The following MORN4 variants were observed in gnomAD, a reference collection of about 807,000 sequenced individuals.
The protein encoded by MORN4 is MORN repeat containing 4, also known as MORN repeat-containing protein 4.
Under a neutral mutation model 16.4 loss-of-function variants are expected in MORN4, and 8 were observed. That is an observed-to-expected ratio of 0.49 (90% confidence interval 0.29 to 0.88). MORN4 has a LOEUF of 0.88. Among genes scored for constraint, MORN4 ranks in the 40% least tolerant of loss-of-function variants. MORN4 has a pLI of 0.09. For synonymous variants in MORN4, 53 were observed against 68.9 expected (o/e 0.77, Z 1.14); for missense variants, 159 against 182.9 (o/e 0.87, Z 0.75).
chr10:97,616,554 A>G (rs1228801955), intron 4 of MORN4, 124 bp downstream of exon 4: 1 of 1,238,108 alleles, frequency 8.1e-7, no homozygotes, highest in South Asian at 1.4e-5. Flanking sequence ...GATGAGTTCA[A>G]TGGATAGGTG....
In MORN4 at chr10:97,618,258, CTTTTTTTT is replaced by C. The variant is rs1192502394; in HGVS notation, c.68-944_68-937del. ...CCTTTACTATGTGCCAGCCTCTCTT[CTTTTTTTT>C]TTTTTTTTTTTTTTTTGAGACAGAG... On this transcript the variant is annotated intron_variant, in intron 2 of 4. Transcript: ENST00000307450. Among the ~76,000 whole-genome samples the C allele has an allele frequency of 8.6e-3, 794 of 92,846 alleles. 6 individuals are homozygous for C. Among genetic ancestry groups the C allele is most frequent in the African/African-American group, 0.026 (600 of 22,696 alleles). 60.9% of individuals were successfully genotyped at this position (92,846 alleles called of 152,430 possible). A position where few individuals can be genotyped will look rare whatever the true frequency, so the allele number is the denominator to read the frequency against.
chr10:97,618,188 A>G (rs2041254751), intron 2 of MORN4, among the ~76,000 whole-genome samples: 1 of 151,854 alleles, frequency 6.6e-6, no homozygotes. Context: ...CAAAATAAAT[A>G]AATAAATAAA....
chr10:97,620,515 AAAAG>A (rs1238649983), intron 1 of MORN4, among the ~76,000 whole-genome samples: 18 of 148,334 alleles, frequency 1.2e-4, no homozygotes, highest in African/African-American at 4.7e-4. Flanking sequence ...AAAGAAAAAA[AAAAG>A]AAAATATGGG....
chr10:97,618,124 G>T (rs906528480), intron 2 of MORN4, among the ~76,000 whole-genome samples: 3 of 152,134 alleles, frequency 2.0e-5, no homozygotes, highest in African/African-American at 7.2e-5. Context: ...GTTGCAGTGG[G>T]CCGAGATCAT....
upstream of MORN4, chr10:97,633,513 C>G: frequency 7.8e-7 from 1 of 1,289,878 alleles, no homozygotes; most frequent in South Asian, 1.2e-5. This position sits in a 1 kb window ranked among gnomAD's most constrained non-coding sequence, Gnocchi z 4.5. Context: ...GTACAATTCC[C>G]GCTGCCCATT....
chr10:97,616,245 C>T lies in MORN4; in HGVS notation c.*18G>A. 1 of 1,555,204 alleles carries T rather than the reference C, an allele frequency of 6.4e-7. No individual in the cohort carries two copies. The highest frequency in any genetic ancestry group is 8.7e-7 in the Non-Finnish European group (1 of 1,152,186). On this transcript the variant is annotated 3_prime_UTR_variant, in exon 5 of 5. Coordinates refer to ENST00000307450, the MANE Select transcript of MORN4 (RefSeq NM_178832.4). The stretch of plus-strand genomic sequence containing the variant: ...ACTGGCTTTACCCAATACTTATCAG[C>T]TGGTGCCCACTGCGCTGTCAGGCAG...
intron 1 of MORN4, among the ~76,000 whole-genome samples, chr10:97,621,510 C>G (rs2041293500): frequency 6.6e-6 from 1 of 152,184 alleles, no homozygotes; most frequent in Non-Finnish European, 1.5e-5. Context: ...GATAATGAAG[C>G]AAATTGTAAA....
chr10:97,623,025 C>T (rs938262180), intron 1 of MORN4, among the ~76,000 whole-genome samples: 4 of 152,146 alleles, frequency 2.6e-5, no homozygotes, highest in Non-Finnish European at 4.4e-5. Flanking sequence ...GCTGGGACTA[C>T]AGGCGCACAC....
rs1054136610 is a variant in MORN4, at chr10:97,633,250, C to T, written c.-31+97G>A. The T allele has an allele frequency of 4.9e-6, 6 of 1,223,768 alleles. No homozygotes were observed. Among genetic ancestry groups the T allele is most frequent in the African/African-American group, 4.6e-5 (3 of 64,648 alleles). The allele number at this position is 1,223,768 out of a possible 1,614,324, so 75.8% of individuals were successfully genotyped here. ...GGTCAGCGTATCCGAGGTGGAGCCG[C>T]GCCCCCGAGCCGGGTCATCTCGTGC... On this transcript the variant is annotated intron_variant, in intron 1 of 4. Coordinates refer to ENST00000307450, the MANE Select transcript of MORN4 (RefSeq NM_178832.4). The surrounding 1 kb of genome is among the most constrained non-coding windows in gnomAD (Gnocchi z 4.5).
At chr10:97,629,786 T>A (rs1033532193) in intron 1 of MORN4, among the ~76,000 whole-genome samples, 13 of 151,906 alleles carry the variant, frequency 8.6e-5, no homozygotes, top group Admixed American at 7.2e-4. Context: ...TGAGACAGAG[T>A]CTCGCTTTGT....
chr10:97,630,677 A>G (rs1170443416), intron 1 of MORN4, among the ~76,000 whole-genome samples: 2 of 152,200 alleles, frequency 1.3e-5, no homozygotes, highest in African/African-American at 4.8e-5. Context: ...ATGTGCCCAA[A>G]TAGTTGATAT....
rs79043127 is a variant in MORN4, at chr10:97,627,588, C to A, written c.-31+5759G>T. Among the ~76,000 whole-genome samples, 1,059 of 152,296 alleles carry A rather than the reference C, an allele frequency of 7.0e-3. 16 individuals carry two copies. The highest frequency in any genetic ancestry group is 0.024 in the African/African-American group (1,002 of 41,558). On this transcript the variant is annotated intron_variant, in intron 1 of 4. Coordinates refer to ENST00000307450, the MANE Select transcript of MORN4 (RefSeq NM_178832.4). ...ATGAGGACAGACGAGTTATAAGAAT[C>A]CCTGTGCTCTCACCCAAATAAGAGA... is the stretch of plus-strand genomic sequence containing the variant.
chr10:97,633,646 C>T (rs2041417645), upstream of MORN4: 3 of 1,277,452 alleles, frequency 2.3e-6, no homozygotes, highest in African/African-American at 1.5e-5. The surrounding 1 kb of genome is among the most constrained non-coding windows in gnomAD (Gnocchi z 4.5). Flanking sequence ...AGGGGTGGTC[C>T]CACCTCTGCA....
Position 97,615,102 on chromosome 10 carries a change from G to A in MORN4, c.*1161C>T, listed in dbSNP as rs1236040865. The A allele has an allele frequency of 6.6e-6, 1 of 152,618 alleles. No homozygotes were observed. The highest frequency in any genetic ancestry group is 1.5e-5 in the Non-Finnish European group (1 of 68,048). 9.5% of individuals were successfully genotyped at this position (152,618 alleles called of 1,614,324 possible). A position where few individuals can be genotyped will look rare whatever the true frequency, so the allele number is the denominator to read the frequency against. On this transcript the variant is annotated 3_prime_UTR_variant, in exon 5 of 5. Transcript: ENST00000307450. ...CCTGTTCCCCATCTAAGGAAGGAGAGAGGCACACATGGGGATTATCTGCTC... is the reference window on the plus strand; with the variant it reads ...CCTGTTCCCCATCTAAGGAAGGAGAAAGGCACACATGGGGATTATCTGCTC...
At chr10:97,622,285 G>A (rs1232677634) in intron 1 of MORN4, among the ~76,000 whole-genome samples, 1 of 152,174 alleles carries the variant, frequency 6.6e-6, no homozygotes, top group African/African-American at 2.4e-5. Flanking sequence ...TATAATGGGA[G>A]CAGAAGGAAC....
At chr10:97,623,699 C>T (rs2041323948) in intron 1 of MORN4, among the ~76,000 whole-genome samples, 1 of 151,978 alleles carries the variant, frequency 6.6e-6, no homozygotes, top group South Asian at 2.1e-4. Flanking sequence ...AGGTGCATGC[C>T]ACTGCTCCCA....
intron 1 of MORN4, among the ~76,000 whole-genome samples, chr10:97,631,943 AAAAAG>A (rs1358833348): frequency 6.9e-6 from 1 of 145,804 alleles, no homozygotes; most frequent in Non-Finnish European, 1.5e-5. Context: ...TTGTCTCAAA[AAAAAG>A]AAAAGAAAAG....
At chr10:97,629,071 T>C (rs2041372885) in intron 1 of MORN4, among the ~76,000 whole-genome samples, 1 of 152,134 alleles carries the variant, frequency 6.6e-6, no homozygotes, top group Non-Finnish European at 1.5e-5. Flanking sequence ...TTGTGACTGC[T>C]TGGACCAAAA....
chr10:97,633,219 C>T lies in MORN4; in HGVS notation c.-31+128G>A. ...GGTTTGGGTCCCCCACAGGCAACCGCCCTCAGGTCAGCGTATCCGAGGTGG... is the reference window on the plus strand; with the variant it reads ...GGTTTGGGTCCCCCACAGGCAACCGTCCTCAGGTCAGCGTATCCGAGGTGG... On this transcript the variant is annotated intron_variant, in intron 1 of 4. Transcript: ENST00000307450. This position sits in a 1 kb window ranked among gnomAD's most constrained non-coding sequence, Gnocchi z 4.5. 2.7e-6 allele frequency: 3 copies of T among 1,130,026 alleles called. No individual in the cohort carries two copies. The highest frequency in any genetic ancestry group is 3.4e-6 in the Non-Finnish European group (3 of 870,440). The allele number at this position is 1,130,026 out of a possible 1,614,324, so 70.0% of individuals were successfully genotyped here.
Sources: gnomAD v4.1 joint callset for allele counts (sites outside exome capture counted in the v4.1 genomes callset) on GRCh38, gnomAD v4.1.1 for gene constraint, Gnocchi (gnomAD v3.1) non-coding constraint, MANE v1.5 for transcripts, NCBI Gene and HGNC (gene_info 2026-07-23, HGNC 2026-07-21) for gene names.